The following MAP4 variants were observed in gnomAD, a reference collection of about 807,000 sequenced individuals.
MAP4 encodes microtubule-associated protein 4.
Under a neutral mutation model 170.2 loss-of-function variants are expected in MAP4, and 76 were observed. That is an observed-to-expected ratio of 0.45 (90% CI 0.37 to 0.54). MAP4 has a LOEUF of 0.54. MAP4 is among the 20% of genes least tolerant of loss of function. MAP4 has a pLI of 0.00. For missense variants in MAP4, 2,506 were observed against 2,748.0 expected (o/e 0.91, Z 1.97); for synonymous variants, 909 against 994.5 (o/e 0.91, Z 1.62).
At chr3:48,036,399 C>T (rs762239768) in intron 1 of MAP4, among the ~76,000 whole-genome samples, 2 of 152,206 alleles carry the variant, frequency 1.3e-5, no homozygotes, top group Non-Finnish European at 2.9e-5. Flanking sequence ...GAAACTGCCA[C>T]ACATTAAGCA....
intron 3 of MAP4, among the ~76,000 whole-genome samples, chr3:47,977,464 T>C (rs1207758804): frequency 6.6e-6 from 1 of 152,232 alleles, no homozygotes; most frequent in Non-Finnish European, 1.5e-5. Context: ...TAATTTGTTG[T>C]TCACTGGCTT....
At chr3:47,879,128 G>A (rs958268920) in intron 10 of MAP4, among the ~76,000 whole-genome samples, 4 of 151,896 alleles carry the variant, frequency 2.6e-5, no homozygotes, top group East Asian at 1.9e-4. Context: ...CCAGAAGTCC[G>A]TTAATAGAAA....
At position 47,928,354 on chromosome 3, in the gene MAP4, A is replaced by G; in HGVS notation, c.293-4T>C. 5 of 1,613,812 alleles carry G rather than the reference A, an allele frequency of 3.1e-6. No homozygotes were observed. The highest frequency in any genetic ancestry group is 4.2e-6 in the Non-Finnish European group (5 of 1,179,866). ...TCAAGGAATTCAGTTGGAGACCCTT[A>G]AAATAGAGACACAAAACAAAAGTTA... is the stretch of plus-strand genomic sequence containing the variant. On this transcript the variant is annotated splice_region_variant and splice_polypyrimidine_tract_variant and intron_variant, in intron 3 of 20. Transcript: ENST00000683076.
At chr3:48,006,223 C>A (rs1410628835) in intron 1 of MAP4, among the ~76,000 whole-genome samples, 3 of 133,038 alleles carry the variant, frequency 2.3e-5, no homozygotes, top group Non-Finnish European at 5.2e-5. Flanking sequence ...GAAGGGGAGG[C>A]CAGGTACCCT....
intron 3 of MAP4, among the ~76,000 whole-genome samples, chr3:47,930,641 C>T (rs2100049185): frequency 1.3e-5 from 2 of 151,878 alleles, no homozygotes; most frequent in African/African-American, 4.8e-5. Flanking sequence ...CAATTTAAAA[C>T]TTGATGGCCA....
intron 1 of MAP4, among the ~76,000 whole-genome samples, chr3:48,015,366 A>G (rs910004744): frequency 3.3e-5 from 5 of 152,270 alleles, no homozygotes; most frequent in Admixed American, 3.3e-4. Flanking sequence ...TTGTTTTTGC[A>G]TGACATTTAA....
At chr3:47,863,482 T>C (rs1471679824) in intron 17 of MAP4, among the ~76,000 whole-genome samples, 4 of 151,986 alleles carry the variant, frequency 2.6e-5, no homozygotes, top group Non-Finnish European at 4.4e-5. Flanking sequence ...CTGGCCCAAG[T>C]GTCCCCTCCT....
At chr3:48,074,509 C>CTTTT (rs1167906300) in intron 1 of MAP4, among the ~76,000 whole-genome samples, 18 of 112,534 alleles carry the variant, frequency 1.6e-4, no homozygotes, top group African/African-American at 5.8e-4. Context: ...TATACACACA[C>CTTTT]TTTTTTTTTT....
intron 3 of MAP4, chr3:47,960,749 T>C (rs1362868343): frequency 2.4e-5 from 4 of 167,394 alleles, no homozygotes; most frequent in Non-Finnish European, 5.5e-5. Flanking sequence ...CAATGTAAGA[T>C]TCTCATGACT....
intron 3 of MAP4, among the ~76,000 whole-genome samples, chr3:47,928,665 A>G (rs1484899594): frequency 6.6e-6 from 1 of 151,980 alleles, no homozygotes; most frequent in African/African-American, 2.4e-5. Flanking sequence ...CTCTGTCACT[A>G]AAAAAAATTT....
intron 10 of MAP4, among the ~76,000 whole-genome samples, chr3:47,893,038 A>C (rs1356624361): frequency 6.6e-6 from 1 of 151,950 alleles, no homozygotes; most frequent in Admixed American, 6.6e-5. Context: ...AAAAAAAAAA[A>C]AAAAAACCAC....
chr3:48,056,934 T>C (rs1354252943), intron 1 of MAP4, among the ~76,000 whole-genome samples: 1 of 80,742 alleles, frequency 1.2e-5, no homozygotes, highest in African/African-American at 5.2e-5. Flanking sequence ...GGGAGGGAGG[T>C]GGGGGGTTCA....
At chr3:48,064,808 G>GT (rs2100137582) in intron 1 of MAP4, among the ~76,000 whole-genome samples, 1 of 152,128 alleles carries the variant, frequency 6.6e-6, no homozygotes, top group South Asian at 2.1e-4. Context: ...TGTACAGCAT[G>GT]TAACTACTGA....
chr3:48,008,381 A>C (rs1165074114), intron 1 of MAP4, among the ~76,000 whole-genome samples: 2 of 152,216 alleles, frequency 1.3e-5, no homozygotes, highest in Non-Finnish European at 2.9e-5. Context: ...GCAGCACTAC[A>C]ACCCCTTTCT....
At chr3:47,981,379 A>AC (rs2100085343) in intron 2 of MAP4, among the ~76,000 whole-genome samples, 1 of 151,878 alleles carries the variant, frequency 6.6e-6, no homozygotes, top group African/African-American at 2.4e-5. Flanking sequence ...ACATAGTGTG[A>AC]CCCCATCTCT....
chr3:47,864,546 G>A (rs895671457), intron 17 of MAP4, among the ~76,000 whole-genome samples: 34 of 152,174 alleles, frequency 2.2e-4, no homozygotes, highest in Admixed American at 9.8e-4. Flanking sequence ...GCATTGTGGC[G>A]GGCGCCTGTA....
At position 47,872,071 on chromosome 3, in the gene MAP4, C is replaced by T; in HGVS notation, c.5787G>A (p.Lys1929=). 1.2e-6 allele frequency: 2 copies of T among 1,613,170 alleles called. No individual in the cohort carries two copies. The highest frequency in any genetic ancestry group is 3.3e-4 in the Middle Eastern group (2 of 6,058). Residue 1929 remains lysine (K), a synonymous_variant, in exon 13 of 21, where the codon AAG becomes AAA. Coordinates refer to ENST00000683076, the MANE Select transcript of MAP4 (RefSeq NM_001385682.1). The stretch of plus-strand genomic sequence containing the variant: ...AAGCTGGCTTGGATGGTGAGGCCCG[C>T]TTCTCAGGAGCCTTTGCATCTGCAA... ...KPIADAKAPE[K]RASPSKPASA...
chr3:47,924,116 G>A (rs1354297248), intron 4 of MAP4, among the ~76,000 whole-genome samples: 2 of 152,170 alleles, frequency 1.3e-5, no homozygotes, highest in African/African-American at 4.8e-5. Flanking sequence ...CCTACCACAT[G>A]GCAGACCCAG....
chr3:48,048,132 A>G (rs1266019038), intron 1 of MAP4, among the ~76,000 whole-genome samples: 2 of 152,322 alleles, frequency 1.3e-5, no homozygotes, highest in East Asian at 3.9e-4. Flanking sequence ...AGAGAAAGAG[A>G]AAGTACAAAA....
Sources: allele counts gnomAD v4.1 joint callset (sites outside exome capture counted in the v4.1 genomes callset), GRCh38; gene constraint gnomAD v4.1.1; transcripts MANE v1.5; gene names NCBI Gene and HGNC (gene_info 2026-07-23, HGNC 2026-07-21).